DSCAML1: variants seen among roughly 807,000 people sequenced by gnomAD.
DSCAML1 encodes DS cell adhesion molecule like 1.
In DSCAML1, 38 loss-of-function variants were observed where a neutral mutation model predicts 200.5. The observed-to-expected ratio is 0.19, with a 90% CI of 0.15 to 0.25. DSCAML1 has a LOEUF of 0.25. Ranked by LOEUF, DSCAML1 falls within the 10% of genes least tolerant of loss-of-function variation. DSCAML1 has a pLI of 1.00. For synonymous variants in DSCAML1, 1,215 were observed against 1,165.0 expected (o/e 1.04, Z -0.87); for missense variants, 2,223 against 2,858.8 (o/e 0.78, Z 5.07).
rs144338590 is a variant in DSCAML1, at chr11:117,701,945, G to A, written c.511+74846C>T. ...GGTGCAGGGTAAACAGACAGCGCGTGGCAGCTGTGGTTACTGCAGTGCTCC... is the reference window on the plus strand; with the variant it reads ...GGTGCAGGGTAAACAGACAGCGCGTAGCAGCTGTGGTTACTGCAGTGCTCC... On this transcript the variant is annotated intron_variant, in intron 3 of 32. Coordinates refer to ENST00000651296, the MANE Select transcript of DSCAML1 (RefSeq NM_020693.4). Among the ~76,000 whole-genome samples, 27 of 152,286 alleles carry A rather than the reference G, an allele frequency of 1.8e-4. 1 individual carries two copies. Among genetic ancestry groups the A allele is most frequent in the African/African-American group, 6.5e-4 (27 of 41,556 alleles).
intron 14 of DSCAML1, among the ~76,000 whole-genome samples, chr11:117,474,131 A>G (rs2048741921): frequency 1.3e-5 from 2 of 152,172 alleles, no homozygotes; most frequent in Admixed American, 6.5e-5. Context: ...GCGTTGGGCA[A>G]TTTAAATGCT....
At position 117,498,615 on chromosome 11, in the gene DSCAML1, C is replaced by T. The variant is rs149406502; in HGVS notation, c.2359+5230G>A. ...ATGAGGACCATCTTGGATCTCCAGA[C>T]GCACTTTTCCAAAGTTTTGCATCCT... On this transcript the variant is annotated intron_variant, in intron 11 of 32. Transcript: ENST00000651296. This position sits in a 1 kb window ranked among gnomAD's most constrained non-coding sequence, Gnocchi z 4.0. Among the ~76,000 whole-genome samples the T allele has an allele frequency of 9.8e-4, 149 of 152,284 alleles. 3 individuals carry two copies. The highest frequency in any genetic ancestry group is 3.3e-3 in the African/African-American group (136 of 41,560).
intron 3 of DSCAML1, among the ~76,000 whole-genome samples, chr11:117,710,540 C>T (rs1391085250): frequency 6.6e-6 from 1 of 152,196 alleles, no homozygotes. Context: ...ACTGGAGAAG[C>T]AGAGTAGTTT....
chr11:117,508,474 G>A (rs1391755585), intron 8 of DSCAML1, among the ~76,000 whole-genome samples: 1 of 151,848 alleles, frequency 6.6e-6, no homozygotes, highest in Non-Finnish European at 1.5e-5. Flanking sequence ...TTCCTAGGGT[G>A]ACCTCAGAAG....
rs151098218 is a variant in DSCAML1 at position 117,431,680 on chromosome 11, C to T, written c.5228G>A (p.Arg1743Gln). 45 of 1,609,192 alleles carry T rather than the reference C, an allele frequency of 2.8e-5. No individual in the cohort carries two copies. Among genetic ancestry groups the T allele is most frequent in the African/African-American group, 2.0e-4 (15 of 74,922 alleles). The change falls in exon 31 of 33, where the codon CGG becomes CAG. Residue 1743 changes from arginine to glutamine, a missense_variant. By Grantham distance (43) the Arg-to-Gln change is conservative. Coordinates refer to ENST00000651296, the MANE Select transcript of DSCAML1 (RefSeq NM_020693.4). ...GGTCAGGGTCCACTGGCTTGAGTAC[C>T]GGTTCCGGGTGCTGTGGGCTGACTT... ...NVKSAHSTRN[R>Q]YSSQWTLTKC...
chr11:117,640,996 A>G (rs1465129333), intron 3 of DSCAML1, among the ~76,000 whole-genome samples: 4 of 152,262 alleles, frequency 2.6e-5, no homozygotes, highest in Non-Finnish European at 5.9e-5. Context: ...AACTCTTGAA[A>G]AAAGCTTATT....
chr11:117,706,999 C>A (rs56230479), intron 3 of DSCAML1, among the ~76,000 whole-genome samples: 7,277 of 152,288 alleles, frequency 0.048, 259 homozygotes, highest in Non-Finnish European at 0.069. Flanking sequence ...CCCAGACACA[C>A]AAGCACCCAG....
intron 3 of DSCAML1, among the ~76,000 whole-genome samples, chr11:117,667,977 CCT>C (rs1591380418): frequency 6.6e-6 from 1 of 152,276 alleles, no homozygotes; most frequent in East Asian, 1.9e-4. Flanking sequence ...AGCAAGTTGA[CCT>C]GACTCTGAGA....
In DSCAML1 at chr11:117,700,994, G is replaced by A. The variant is rs1046772123; in HGVS notation, c.511+75797C>T. 3.9e-5 allele frequency among the ~76,000 whole-genome samples: 6 copies of A among 152,296 alleles called. No homozygotes were observed. The South Asian group carries it at 6.2e-4, about 16-fold the overall frequency. ...AATTAGGCAAAACTGGGCCAGGTGC[G>A]GTGGCTCACGCCTGTAATCCCAGCA... On this transcript the variant is annotated intron_variant, in intron 3 of 32. Transcript: ENST00000651296.
chr11:117,814,705 T>C (rs1015033726), intron 1 of DSCAML1, among the ~76,000 whole-genome samples: 1 of 152,124 alleles, frequency 6.6e-6, no homozygotes, highest in African/African-American at 2.4e-5. Context: ...AAGGCAAAGC[T>C]CAGAATTCAG....
Position 117,668,015 on chromosome 11 carries a change from G to A in DSCAML1, c.511+108776C>T, listed in dbSNP as rs116170863. ...ACAATATAACAGCCAAACACCATTCGCATTATTATGCACTGAGGGTTTTAT... is the reference window on the plus strand; with the variant it reads ...ACAATATAACAGCCAAACACCATTCACATTATTATGCACTGAGGGTTTTAT... On this transcript the variant is annotated intron_variant, in intron 3 of 32. Coordinates refer to ENST00000651296, the MANE Select transcript of DSCAML1 (RefSeq NM_020693.4). Among the ~76,000 whole-genome samples the A allele has an allele frequency of 4.3e-3, 650 of 152,290 alleles. 5 individuals carry two copies. Among genetic ancestry groups the A allele is most frequent in the African/African-American group, 0.014 (594 of 41,564 alleles).
chr11:117,630,658 C>CAAA (rs56741831), intron 3 of DSCAML1, among the ~76,000 whole-genome samples: 1,485 of 45,572 alleles, frequency 0.033, 285 homozygotes, highest in Admixed American at 0.052. Flanking sequence ...ATAAAGTGGC[C>CAAA]AAAAAAAAAA....
rs2049440333 is a variant in DSCAML1 at position 117,503,752 on chromosome 11, C to T, written c.2359+93G>A. 1.0e-5 allele frequency: 14 copies of T among 1,396,838 alleles called. No individual in the cohort carries two copies. Among genetic ancestry groups the T allele is most frequent in the South Asian group, 2.9e-5 (2 of 69,934 alleles). The allele number at this position is 1,396,838 out of a possible 1,614,324, so 86.5% of individuals were successfully genotyped here. On this transcript the variant is annotated intron_variant, in intron 11 of 32. Coordinates refer to ENST00000651296, the MANE Select transcript of DSCAML1 (RefSeq NM_020693.4). This position sits in a 1 kb window ranked among gnomAD's most constrained non-coding sequence, Gnocchi z 5.2. The stretch of plus-strand genomic sequence containing the variant: ...TCCTGCCTCCCCTTCATAGATGAAA[C>T]GACGGAGACTAAGAGAGTAGGCAGG...
At chr11:117,792,404 T>C (rs2055485832) in intron 1 of DSCAML1, among the ~76,000 whole-genome samples, 1 of 152,096 alleles carries the variant, frequency 6.6e-6, no homozygotes, top group African/African-American at 2.4e-5. Context: ...TCAGCTCTCC[T>C]GAAGTGCTCA....
intron 3 of DSCAML1, among the ~76,000 whole-genome samples, chr11:117,601,461 G>T (rs1253268708): frequency 6.6e-6 from 1 of 152,190 alleles, no homozygotes; most frequent in Non-Finnish European, 1.5e-5. Flanking sequence ...CATTTAGTGA[G>T]AATAGGTGGT....
chr11:117,810,152 C>T (rs1236469619), intron 1 of DSCAML1, among the ~76,000 whole-genome samples: 1 of 152,070 alleles, frequency 6.6e-6, no homozygotes, highest in African/African-American at 2.4e-5. Flanking sequence ...CAATCTCTCC[C>T]TTCTCTTAAT....
At chr11:117,781,184 G>A (rs1438079289) in intron 1 of DSCAML1, among the ~76,000 whole-genome samples, 3 of 151,722 alleles carry the variant, frequency 2.0e-5, no homozygotes, top group Non-Finnish European at 2.9e-5. Context: ...TCAGCTGCTC[G>A]AGAGGATGAG....
rs2047960428 is a variant in DSCAML1 at position 117,438,138 on chromosome 11, G to A, written c.4244-55C>T. 2.0e-6 allele frequency: 3 copies of A among 1,530,604 alleles called. No individual in the cohort carries two copies. In the South Asian group the frequency reaches 3.7e-5, roughly 19 times the overall value. 94.8% of individuals were successfully genotyped at this position (1,530,604 alleles called of 1,614,324 possible). On this transcript the variant is annotated intron_variant, in intron 24 of 32. Transcript: ENST00000651296. ...GGCAGGGCAGGGCAAGGCAGCAGAA[G>A]CCCAGCCTCAGGTACCCCAACAGGG...
chr11:117,479,470 C>T (rs2048863267), intron 14 of DSCAML1, among the ~76,000 whole-genome samples: 1 of 152,176 alleles, frequency 6.6e-6, no homozygotes, highest in South Asian at 2.1e-4. Context: ...TGCTGTGAAG[C>T]CACCCAGGTG....
Sources: gnomAD v4.1 joint callset for allele counts (sites outside exome capture counted in the v4.1 genomes callset) on GRCh38, gnomAD v4.1.1 for gene constraint, Gnocchi (gnomAD v3.1) non-coding constraint, MANE v1.5 for transcripts, NCBI Gene and HGNC (gene_info 2026-07-23, HGNC 2026-07-21) for gene names.